ROBO2: variants seen among roughly 807,000 people sequenced by gnomAD.
ROBO2 encodes the protein roundabout guidance receptor 2, also known as roundabout homolog 2.
Under a neutral mutation model 160.8 loss-of-function variants are expected in ROBO2, and 53 were observed. The observed-to-expected ratio is 0.33, with a 90% CI of 0.26 to 0.41. The LOEUF (loss-of-function observed/expected upper bound fraction) is 0.41, where lower values mean the gene tolerates loss of function less well. Among genes scored for constraint, ROBO2 ranks in the 10% least tolerant of loss-of-function variants. The pLI, the probability that ROBO2 is intolerant of heterozygous loss-of-function variation, is 1.00. For missense variants in ROBO2, 1,577 were observed against 1,722.4 expected (o/e 0.92, Z 1.49); for synonymous variants, 664 against 611.7 (o/e 1.09, Z -1.26).
At position 77,246,327 on chromosome 3, in the gene ROBO2, A is replaced by ATGTGTGTGTGTG. The variant is rs71104664; in HGVS notation, c.388+148009_388+148020dup. ...TACAAACTACTGAGAGTGTATGTGT[A>ATGTGTGTGTGTG]TGTGTGTGTGTGTGTGTGTGTGTGT... On this transcript the variant is annotated intron_variant, in intron 2 of 25. Transcript: ENST00000461745. Among the ~76,000 whole-genome samples the ATGTGTGTGTGTG allele has an allele frequency of 3.2e-3, 472 of 145,822 alleles. 2 individuals carry two copies. Among genetic ancestry groups the ATGTGTGTGTGTG allele is most frequent in the African/African-American group, 0.01 (405 of 39,052 alleles).
At chr3:77,075,601 T>C (rs991248045) in intron 1 of ROBO2, among the ~76,000 whole-genome samples, 1 of 150,816 alleles carries the variant, frequency 6.6e-6, no homozygotes, top group African/African-American at 2.4e-5. Flanking sequence ...TGTTGATATA[T>C]ACAACAAAAT....
At chr3:77,111,291 A>G (rs1347859542) in intron 2 of ROBO2, among the ~76,000 whole-genome samples, 2 of 152,130 alleles carry the variant, frequency 1.3e-5, no homozygotes, top group Middle Eastern at 3.2e-3. Flanking sequence ...AAATAAGTAT[A>G]CACAGGAAGT....
At chr3:76,660,361 G>A (rs1409508156) in intron 2 of ROBO2, among the ~76,000 whole-genome samples, 1 of 152,142 alleles carries the variant, frequency 6.6e-6, no homozygotes, top group Non-Finnish European at 1.5e-5. Context: ...TAGCAACAGT[G>A]AATTGAAAGA....
intron 2 of ROBO2, among the ~76,000 whole-genome samples, chr3:76,485,079 G>C (rs1005845063): frequency 6.6e-6 from 1 of 152,024 alleles, no homozygotes. Context: ...TTCCTCAAAC[G>C]GTGGTGGCGG....
chr3:76,811,899 C>G (rs1266966618), intron 2 of ROBO2, among the ~76,000 whole-genome samples: 4 of 130,132 alleles, frequency 3.1e-5, no homozygotes, highest in African/African-American at 1.2e-4. Flanking sequence ...GAGATGGGGT[C>G]TCATTCTGTA....
chr3:76,199,381 C>T (rs1442569055), intron 2 of ROBO2, among the ~76,000 whole-genome samples: 1 of 152,100 alleles, frequency 6.6e-6, no homozygotes, highest in African/African-American at 2.4e-5. Flanking sequence ...AGCAATTGAA[C>T]TCTTCCAAAA....
Position 75,974,000 on chromosome 3 carries a change from C to T in ROBO2, c.109+36398C>T, listed in dbSNP as rs376332270. The stretch of plus-strand genomic sequence containing the variant: ...ACCATGGAAATGTGGTTACATAACA[C>T]GAGAATAATATAGAAGGAAGGGGTA... On this transcript the variant is annotated intron_variant, in intron 2 of 26. Coordinates refer to the ROBO2 transcript ENST00000487694. 1.1e-4 allele frequency among the ~76,000 whole-genome samples: 17 copies of T among 150,828 alleles called. No individual in the cohort carries two copies. In the East Asian group the frequency reaches 1.4e-3, roughly 12 times the overall value.
chr3:76,074,519 A>G (rs1303297870), intron 2 of ROBO2, among the ~76,000 whole-genome samples: 1 of 152,212 alleles, frequency 6.6e-6, no homozygotes, highest in Non-Finnish European at 1.5e-5. Flanking sequence ...AGAAATGGGT[A>G]AAGAGATGGA....
intron 2 of ROBO2, among the ~76,000 whole-genome samples, chr3:76,119,083 A>G (rs1194754206): frequency 1.3e-5 from 2 of 152,220 alleles, no homozygotes; most frequent in African/African-American, 2.4e-5. Flanking sequence ...AAAATATTGT[A>G]TATAAATTGT....
chr3:76,583,704 T>C (rs1221778731), intron 2 of ROBO2, among the ~76,000 whole-genome samples: 1 of 152,134 alleles, frequency 6.6e-6, no homozygotes, highest in Admixed American at 6.5e-5. Context: ...TCTCAGTTTC[T>C]ACCCAGTGTA....
intron 2 of ROBO2, among the ~76,000 whole-genome samples, chr3:76,759,454 A>G (rs1469446508): frequency 6.6e-6 from 1 of 151,754 alleles, no homozygotes; most frequent in African/African-American, 2.4e-5. Context: ...TTTTTAGTGT[A>G]CCTAAAAATT....
At chr3:77,245,020 A>G (rs766911021) in intron 2 of ROBO2, among the ~76,000 whole-genome samples, 10 of 151,590 alleles carry the variant, frequency 6.6e-5, no homozygotes, top group Non-Finnish European at 1.0e-4. Context: ...CACAAATATT[A>G]TATTTCCATT....
chr3:76,294,945 A>G (rs1708993853), intron 2 of ROBO2, among the ~76,000 whole-genome samples: 1 of 152,186 alleles, frequency 6.6e-6, no homozygotes, highest in African/African-American at 2.4e-5. Context: ...GTTTACAGGC[A>G]GGTAAGATGT....
chr3:77,628,794 A>G (rs1033991342), intron 23 of ROBO2, among the ~76,000 whole-genome samples: 1 of 152,200 alleles, frequency 6.6e-6, no homozygotes. Flanking sequence ...AGGCAAACAC[A>G]ACTACACTAA....
chr3:77,550,765 T>C, intron 7 of ROBO2, 53 bp from the exon 9 acceptor site: 1 of 1,584,444 alleles, frequency 6.3e-7, no homozygotes, highest in Non-Finnish European at 8.7e-7. Flanking sequence ...TTTATTCACA[T>C]AATTTTTTTA....
chr3:77,317,512 T>A, intron 2 of ROBO2: 1 of 1,450,554 alleles, frequency 6.9e-7, no homozygotes, highest in Non-Finnish European at 9.5e-7. Flanking sequence ...TCAGATTTCG[T>A]TTTCAAATCA....
At chr3:77,084,438 G>A (rs1407123249) in intron 1 of ROBO2, among the ~76,000 whole-genome samples, 2 of 152,058 alleles carry the variant, frequency 1.3e-5, no homozygotes, top group South Asian at 2.1e-4. Flanking sequence ...CACCCTGTTC[G>A]AAGCTATCAT....
intron 1 of ROBO2, among the ~76,000 whole-genome samples, chr3:77,057,202 A>G (rs764039504): frequency 1.7e-4 from 26 of 152,270 alleles, no homozygotes; most frequent in Non-Finnish European, 3.5e-4. Context: ...TGAGCAAGCT[A>G]TTGCAAGGAC....
chr3:76,732,018 C>T (rs1370403573), intron 2 of ROBO2, among the ~76,000 whole-genome samples: 1 of 151,826 alleles, frequency 6.6e-6, no homozygotes, highest in East Asian at 1.9e-4. Flanking sequence ...CTTTCAGAGC[C>T]CAGACTGCCA....
Sources: gnomAD v4.1 joint callset for allele counts (sites outside exome capture counted in the v4.1 genomes callset) on GRCh38, gnomAD v4.1.1 for gene constraint, MANE v1.5 for transcripts, NCBI Gene and HGNC (gene_info 2026-07-23, HGNC 2026-07-21) for gene names.